CREM: variants seen among roughly 807,000 people sequenced by gnomAD.
The protein encoded by CREM is cAMP-responsive element modulator.
CREM carries 13 observed loss-of-function variants against 37.3 expected under a neutral mutation model. The ratio of observed to expected loss-of-function variants is 0.35; its 90% CI spans 0.23 to 0.55. The LOEUF (loss-of-function observed/expected upper bound fraction) is 0.55, where lower values mean the gene tolerates loss of function less well. Among genes scored for constraint, CREM ranks in the 20% least tolerant of loss-of-function variants. The probability of loss-of-function intolerance (pLI) is 0.88; values close to 1 mark genes in which losing one functional copy is unlikely to be tolerated. For missense variants in CREM, 296 were observed against 362.3 expected, an observed-to-expected ratio of 0.82 and a Z score of 1.49; for synonymous variants, 124 against 120.2, an observed-to-expected ratio of 1.03 and a Z score of -0.21.
At chr10:35,128,491 G>GT in intron 1 of CREM, among the ~76,000 whole-genome samples, 1 of 147,286 alleles carries the variant, frequency 6.8e-6, no homozygotes, top group East Asian at 2.0e-4. Context: ...TTGTTTTTTT[G>GT]TTTTTTGCTT....
At chr10:35,167,925 T>C (rs971222432) in intron 3 of CREM, 5 of 829,106 alleles carry the variant, frequency 6.0e-6, no homozygotes, top group South Asian at 3.3e-5. Flanking sequence ...TGCGATAGTT[T>C]ACTGAGAATG....
intron 2 of CREM, among the ~76,000 whole-genome samples, chr10:35,142,763 G>A (rs551064895): frequency 6.6e-6 from 1 of 152,084 alleles, no homozygotes; most frequent in South Asian, 2.1e-4. Flanking sequence ...CCATCACTAC[G>A]CCCAGCTAAC....
chr10:35,205,740 C>T (rs1257683706), intron 6 of CREM, among the ~76,000 whole-genome samples: 2 of 152,302 alleles, frequency 1.3e-5, no homozygotes, highest in South Asian at 2.1e-4. Context: ...AGGCAGATCA[C>T]TTGAGGTCAG....
chr10:35,134,447 C>T (rs1438732181), intron 1 of CREM, among the ~76,000 whole-genome samples: 1 of 152,112 alleles, frequency 6.6e-6, no homozygotes, highest in Non-Finnish European at 1.5e-5. Context: ...GAACTCTTGA[C>T]CTCAGGCGAT....
intron 1 of CREM, among the ~76,000 whole-genome samples, chr10:35,129,331 A>G (rs1218771215): frequency 6.6e-6 from 1 of 152,202 alleles, no homozygotes; most frequent in Non-Finnish European, 1.5e-5. Context: ...CTGAATTTTA[A>G]ACTCTGGAAT....
At chr10:35,182,369 C>T (rs12268303) in intron 5 of CREM, among the ~76,000 whole-genome samples, 2,859 of 143,700 alleles carry the variant, frequency 0.02, 98 homozygotes, top group African/African-American at 0.067. Context: ...TTTTCCTTCC[C>T]TTTGAGCTGT....
intron 3 of CREM, among the ~76,000 whole-genome samples, chr10:35,166,147 AAAT>A (rs1222269143): frequency 6.6e-6 from 1 of 152,250 alleles, no homozygotes; most frequent in African/African-American, 2.4e-5. Flanking sequence ...GTAAATATAG[AAAT>A]AATAATCATA....
rs148020378 is a variant in CREM at position 35,187,822 on chromosome 10, A to G, written c.410-378A>G. ...ACCTGGCCTTAAATGGGAATTTTAA[A>G]TGGTAGAAGAATGGTGTTTATAAGG... On this transcript the variant is annotated intron_variant, in intron 5 of 7. Transcript: ENST00000685392. Among the ~76,000 whole-genome samples, 412 of 152,234 alleles carry G rather than the reference A, an allele frequency of 2.7e-3. 1 individual carries two copies. Among genetic ancestry groups the G allele is most frequent in the Admixed American group, 8.2e-3 (125 of 15,288 alleles).
At chr10:35,168,923 C>T (rs1000794319) in intron 3 of CREM, among the ~76,000 whole-genome samples, 1 of 152,064 alleles carries the variant, frequency 6.6e-6, no homozygotes, top group Non-Finnish European at 1.5e-5. Context: ...TGTGGTATTA[C>T]TTCTGAGGGC....
At chr10:35,208,100 C>T (rs768707403) in intron 7 of CREM, among the ~76,000 whole-genome samples, 10 of 152,102 alleles carry the variant, frequency 6.6e-5, no homozygotes, top group Admixed American at 3.3e-4. Context: ...CGTTACTTTT[C>T]GACATTTTCT....
At chr10:35,166,564 CAAAA>C (rs34348266) in intron 3 of CREM, among the ~76,000 whole-genome samples, 5 of 131,882 alleles carry the variant, frequency 3.8e-5, no homozygotes, top group Admixed American at 7.7e-5. Context: ...GAGTCTGTAT[CAAAA>C]AAAAAAAAAA....
At chr10:35,147,175 C>T (rs553270964) in intron 2 of CREM, among the ~76,000 whole-genome samples, 16 of 151,490 alleles carry the variant, frequency 1.1e-4, no homozygotes, top group Admixed American at 6.6e-4. Context: ...CTCAGCCTCC[C>T]GAGTAGCTGG....
At chr10:35,195,449 TC>T (rs2095112523) in intron 6 of CREM, among the ~76,000 whole-genome samples, 2 of 151,964 alleles carry the variant, frequency 1.3e-5, no homozygotes, top group African/African-American at 2.4e-5. Flanking sequence ...AATCCTCTCT[TC>T]CTCCCTCTAT....
chr10:35,177,070 T>C (rs1385803119), intron 3 of CREM, among the ~76,000 whole-genome samples: 2 of 145,816 alleles, frequency 1.4e-5, no homozygotes, highest in Non-Finnish European at 1.5e-5. Flanking sequence ...TTGAACCTAA[T>C]TGATGACAAA....
intron 2 of CREM, among the ~76,000 whole-genome samples, chr10:35,146,538 C>T (rs747139046): frequency 6.6e-6 from 1 of 152,172 alleles, no homozygotes; most frequent in Non-Finnish European, 1.5e-5. Context: ...AAACTGCTCA[C>T]ATAACCAAAA....
intron 2 of CREM, among the ~76,000 whole-genome samples, chr10:35,144,989 G>A (rs1406050732): frequency 2.0e-5 from 3 of 151,406 alleles, no homozygotes; most frequent in East Asian, 1.9e-4. Context: ...GTTAAACCCC[G>A]TGTCTACTAA....
intron 3 of CREM, among the ~76,000 whole-genome samples, chr10:35,177,771 A>G (rs974975387): frequency 6.6e-6 from 1 of 152,214 alleles, no homozygotes; most frequent in African/African-American, 2.4e-5. Context: ...TCACCTTTCT[A>G]AAATAGGTAA....
At chr10:35,187,914 C>T (rs2094721438) in intron 5 of CREM, among the ~76,000 whole-genome samples, 1 of 152,192 alleles carries the variant, frequency 6.6e-6, no homozygotes, top group South Asian at 2.1e-4. Context: ...TCCACTCTTC[C>T]TCTTGAGTGA....
chr10:35,173,143 C>T (rs1276585058), intron 3 of CREM, among the ~76,000 whole-genome samples: 1 of 152,206 alleles, frequency 6.6e-6, no homozygotes, highest in Non-Finnish European at 1.5e-5. Flanking sequence ...GTTACAAAAT[C>T]TTACGTGGGT....
Sources: allele counts gnomAD v4.1 joint callset (sites outside exome capture counted in the v4.1 genomes callset), GRCh38; gene constraint gnomAD v4.1.1; transcripts MANE v1.5; gene names NCBI Gene and HGNC (gene_info 2026-07-23, HGNC 2026-07-21).